The following PCDHGA3 variants were observed in gnomAD, a reference collection of about 807,000 sequenced individuals.
The protein encoded by PCDHGA3 is protocadherin gamma subfamily A, 3.
Under a neutral mutation model 58.5 loss-of-function variants are expected in PCDHGA3, and 40 were observed. The ratio of observed to expected loss-of-function variants is 0.68; its 90% CI spans 0.53 to 0.89. The LOEUF is 0.89. PCDHGA3 is among the 40% of genes least tolerant of loss of function. The probability of loss-of-function intolerance (pLI) is 0.00; values close to 1 mark genes in which losing one functional copy is unlikely to be tolerated. For synonymous variants in PCDHGA3, 530 were observed against 525.7 expected (o/e 1.01, Z -0.11); for missense variants, 1,223 against 1,195.9 (o/e 1.02, Z -0.33).
chr5:141,476,346 T>G lies in PCDHGA3; in HGVS notation c.2425-18461T>G, dbSNP rs1239836597. On this transcript the variant is annotated intron_variant, in intron 1 of 3. Coordinates refer to ENST00000253812, the MANE Select transcript of PCDHGA3 (RefSeq NM_018916.4). The surrounding 1 kb of genome is among the most constrained non-coding windows in gnomAD (Gnocchi z 7.6). The stretch of plus-strand genomic sequence containing the variant: ...GTGTCTGGAGCTAGCCGAAGATTCT[T>G]TGAGGTGAACCGGGAGACCGGAGAG... 2.5e-6 allele frequency: 4 copies of G among 1,613,932 alleles called. No individual in the cohort carries two copies. Among genetic ancestry groups the G allele is most frequent in the Non-Finnish European group, 3.4e-6 (4 of 1,180,022 alleles).
At chr5:141,378,549 TAAAG>T (rs1207293265) in intron 1 of PCDHGA3, 5 of 152,122 alleles carry the variant, frequency 3.3e-5, no homozygotes, top group East Asian at 1.9e-4. Flanking sequence ...AATTAATAAA[TAAAG>T]AGTGAACATG....
chr5:141,486,967 G>C lies in PCDHGA3; in HGVS notation c.2425-7840G>C. The C allele has an allele frequency of 6.2e-7, 1 of 1,614,202 alleles. No homozygotes were observed. Among genetic ancestry groups the C allele is most frequent in the Non-Finnish European group, 8.5e-7 (1 of 1,180,032 alleles). ...TCACAAAGGTGACTGCTGTGGACTT[G>C]GATTCAGGTTACAATGCTTGGGTTT... On this transcript the variant is annotated intron_variant, in intron 1 of 3. Transcript: ENST00000253812. The surrounding 1 kb of genome is among the most constrained non-coding windows in gnomAD (Gnocchi z 5.0).
intron 3 of PCDHGA3, among the ~76,000 whole-genome samples, chr5:141,506,877 G>A (rs998146154): frequency 1.3e-5 from 2 of 152,142 alleles, no homozygotes; most frequent in Non-Finnish European, 2.9e-5. Flanking sequence ...AGAGAACCAG[G>A]TGAAATCACA....
intron 1 of PCDHGA3, chr5:141,421,627 T>C: frequency 6.2e-7 from 1 of 1,613,846 alleles, no homozygotes; most frequent in Non-Finnish European, 8.5e-7. Context: ...CGCCCCCAGC[T>C]TCCAGGAGGA....
chr5:141,404,533 T>A, intron 1 of PCDHGA3: 2 of 1,613,926 alleles, frequency 1.2e-6, no homozygotes. Flanking sequence ...AGTTTAGAGA[T>A]TTGCAAATGC....
At chr5:141,360,888 G>GA (rs1462264831) in intron 1 of PCDHGA3, 2 of 1,613,934 alleles carry the variant, frequency 1.2e-6, no homozygotes, top group Non-Finnish European at 1.7e-6. Flanking sequence ...GGGTCACCCT[G>GA]AGGGAGGACG....
chr5:141,425,881 A>C (rs911454948), intron 1 of PCDHGA3, among the ~76,000 whole-genome samples: 1 of 152,230 alleles, frequency 6.6e-6, no homozygotes, highest in African/African-American at 2.4e-5. Context: ...TCTCTAAGGA[A>C]TCTTCTTTGG....
Position 141,349,194 on chromosome 5 carries a change from C to T in PCDHGA3, c.2424+2737C>T, listed in dbSNP as rs138459537. Among the ~76,000 whole-genome samples, 622 of 152,096 alleles carry T rather than the reference C, an allele frequency of 4.1e-3. 4 individuals are homozygous for T. The highest frequency in any genetic ancestry group is 0.01 in the Middle Eastern group (3 of 294). On this transcript the variant is annotated intron_variant, in intron 1 of 3. Coordinates refer to ENST00000253812, the MANE Select transcript of PCDHGA3 (RefSeq NM_018916.4). ...AAGTGATTCTGCTGCCTCAACCTCC[C>T]GAGTAGCTGGCGTTACAGGTACCCG...
intron 1 of PCDHGA3, chr5:141,399,217 TTGATCAAAATACA>T (rs2093771382): frequency 6.2e-7 from 1 of 1,613,854 alleles, no homozygotes; most frequent in African/African-American, 1.3e-5. Context: ...ACTAATTGCT[TTGATCAAAATACA>T]TGACCAAGAT....
chr5:141,388,412 T>A, intron 1 of PCDHGA3: 1 of 1,613,870 alleles, frequency 6.2e-7, no homozygotes, highest in Non-Finnish European at 8.5e-7. Context: ...GTCCCAGTGA[T>A]CATTTCTCAC....
intron 1 of PCDHGA3, chr5:141,352,585 T>A (rs748971088): frequency 6.2e-7 from 1 of 1,613,952 alleles, no homozygotes; most frequent in Non-Finnish European, 8.5e-7. Flanking sequence ...CCCCTCAGGA[T>A]CTGCTGTGTG....
chr5:141,410,640 G>A (rs747132686), intron 1 of PCDHGA3: 1 of 1,599,056 alleles, frequency 6.3e-7, no homozygotes, highest in Non-Finnish European at 8.5e-7. Flanking sequence ...TCTTTTTTGT[G>A]TGTGATTTAT....
chr5:141,405,203 C>T, intron 1 of PCDHGA3: 2 of 1,613,520 alleles, frequency 1.2e-6, no homozygotes, highest in Non-Finnish European at 1.7e-6. Context: ...AGCTTTCCTA[C>T]AGACCTATTC....
At chr5:141,450,986 G>A (rs950903600) in intron 1 of PCDHGA3, among the ~76,000 whole-genome samples, 15 of 151,310 alleles carry the variant, frequency 9.9e-5, no homozygotes, top group Non-Finnish European at 1.3e-4. Context: ...CACCACACCC[G>A]GCTAATTTTT....
intron 1 of PCDHGA3, chr5:141,428,109 G>A: frequency 1.2e-6 from 2 of 1,607,850 alleles, no homozygotes; most frequent in Non-Finnish European, 1.7e-6. Context: ...CGTGCTGCAG[G>A]CCATCGAGCC....
In PCDHGA3 at chr5:141,490,072, G is replaced by A; in HGVS notation, c.2425-4735G>A. On this transcript the variant is annotated intron_variant, in intron 1 of 3. Transcript: ENST00000253812. This position sits in a 1 kb window ranked among gnomAD's most constrained non-coding sequence, Gnocchi z 5.4. ...AGACGAGGGCACCAACGGCCAACTA[G>A]ACTATTCTTTTGGAGACCACACATC... is the stretch of plus-strand genomic sequence containing the variant. The A allele has an allele frequency of 6.2e-7, 1 of 1,614,254 alleles. No homozygotes were observed. The highest frequency in any genetic ancestry group is 8.5e-7 in the Non-Finnish European group (1 of 1,180,042).
intron 1 of PCDHGA3, chr5:141,430,990 GA>G (rs1185464233): frequency 1.2e-6 from 2 of 1,613,970 alleles, no homozygotes; most frequent in East Asian, 4.5e-5. Context: ...TTTTCGCCCT[GA>G]ATCCGCGCAG....
In PCDHGA3 at chr5:141,401,291, G is replaced by A. The variant is rs565015907; in HGVS notation, c.2424+54834G>A. On this transcript the variant is annotated intron_variant, in intron 1 of 3. Transcript: ENST00000253812. ...TGGCAGGTGGAGGTTGCGGTGAGCC[G>A]AGATCACTCCATTGCATTCCAGCCT... is the stretch of plus-strand genomic sequence containing the variant. Among the ~76,000 whole-genome samples the A allele has an allele frequency of 8.5e-5, 13 of 152,194 alleles. No individual in the cohort carries two copies. The South Asian group carries it at 2.5e-3, about 29-fold the overall frequency.
At chr5:141,369,567 A>G (rs1325702872) in intron 1 of PCDHGA3, among the ~76,000 whole-genome samples, 2 of 152,244 alleles carry the variant, frequency 1.3e-5, no homozygotes, top group African/African-American at 4.8e-5. Flanking sequence ...ACAAAGGAAA[A>G]GAGACCCTCT....
Sources: allele counts gnomAD v4.1 joint callset (sites outside exome capture counted in the v4.1 genomes callset), GRCh38; gene constraint gnomAD v4.1.1; non-coding constraint Gnocchi (gnomAD v3.1); transcripts MANE v1.5; gene names NCBI Gene and HGNC (gene_info 2026-07-23, HGNC 2026-07-21).